The following AUTS2 variants were observed in gnomAD, a reference collection of about 807,000 sequenced individuals.
AUTS2 encodes activator of transcription and developmental regulator AUTS2.
A neutral mutation model predicts 112.4 loss-of-function variants in AUTS2; 17 were observed. That is an observed-to-expected ratio of 0.15 (90% CI 0.10 to 0.23). AUTS2 has a LOEUF of 0.23. AUTS2 is among the 10% of genes least tolerant of loss of function. AUTS2 has a pLI of 1.00. For synonymous variants in AUTS2, 751 were observed against 702.7 expected (o/e 1.07, Z -1.09); for missense variants, 1,510 against 1,701.6 (o/e 0.89, Z 1.98).
At chr7:70,721,846 T>TA (rs1485456986) in intron 6 of AUTS2, among the ~76,000 whole-genome samples, 1 of 152,238 alleles carries the variant, frequency 6.6e-6, no homozygotes, top group Admixed American at 6.5e-5. Context: ...CTCTTTTTTT[T>TA]AGATAAGTCA....
chr7:70,073,546 T>G (rs1357777295), intron 2 of AUTS2, among the ~76,000 whole-genome samples: 2 of 151,770 alleles, frequency 1.3e-5, no homozygotes, highest in Non-Finnish European at 2.9e-5. Flanking sequence ...GGGTCAGCCT[T>G]GAGTAGTGGA....
At chr7:70,194,549 G>C (rs1439345117) in intron 4 of AUTS2, 1 of 152,228 alleles carries the variant, frequency 6.6e-6, no homozygotes, top group East Asian at 1.9e-4. Flanking sequence ...GCCAGAGTTA[G>C]AGTGGTCACA....
chr7:70,614,762 A>G (rs1804266977), intron 5 of AUTS2, among the ~76,000 whole-genome samples: 2 of 152,158 alleles, frequency 1.3e-5, no homozygotes, highest in Admixed American at 1.3e-4. Flanking sequence ...GAACAAAGTC[A>G]CTGGTAATCT....
At chr7:70,528,894 G>A (rs1799966455) in intron 5 of AUTS2, among the ~76,000 whole-genome samples, 1 of 151,982 alleles carries the variant, frequency 6.6e-6, no homozygotes, top group Non-Finnish European at 1.5e-5. Context: ...AGTAAGGGTG[G>A]GCAAAGCAAA....
intron 1 of AUTS2, among the ~76,000 whole-genome samples, chr7:69,633,536 A>G (rs756812760): frequency 9.9e-5 from 15 of 152,162 alleles, no homozygotes; most frequent in Admixed American, 2.0e-4. Context: ...ATTTTTCACA[A>G]TGGCTGTATC....
intron 2 of AUTS2, among the ~76,000 whole-genome samples, chr7:70,004,917 C>T (rs540268143): frequency 1.2e-4 from 18 of 151,842 alleles, no homozygotes; most frequent in South Asian, 2.1e-4. Flanking sequence ...TTCTGCCTCC[C>T]GGGTTTGAGT....
At chr7:70,135,592 A>T (rs188835631) in intron 4 of AUTS2, among the ~76,000 whole-genome samples, 11 of 152,320 alleles carry the variant, frequency 7.2e-5, no homozygotes, top group Admixed American at 1.3e-4. Flanking sequence ...GGAAACCAGC[A>T]TCATTTCATT....
At chr7:69,893,815 A>G (rs556404577) in intron 1 of AUTS2, among the ~76,000 whole-genome samples, 7 of 152,166 alleles carry the variant, frequency 4.6e-5, no homozygotes, top group Non-Finnish European at 8.8e-5. Flanking sequence ...TGCAGCTTAC[A>G]TAGTGTTTCA....
chr7:70,655,041 G>T (rs1398097503), intron 5 of AUTS2, among the ~76,000 whole-genome samples: 2 of 152,230 alleles, frequency 1.3e-5, no homozygotes, highest in Non-Finnish European at 2.9e-5. Context: ...CACCCACAAA[G>T]TATCTTTCGG....
At position 69,975,897 on chromosome 7, in the gene AUTS2, A is replaced by G. The variant is rs190450471; in HGVS notation, c.522+76399A>G. ...GAGACAGGGTTTCACCATGTTGGCCAGGCTGGTCTTGAACTCCTGACCTCA... is the reference window on the plus strand; with the variant it reads ...GAGACAGGGTTTCACCATGTTGGCCGGGCTGGTCTTGAACTCCTGACCTCA... On this transcript the variant is annotated intron_variant, in intron 2 of 18. Coordinates refer to ENST00000342771, the MANE Select transcript of AUTS2 (RefSeq NM_015570.4). Among the ~76,000 whole-genome samples, 928 of 152,106 alleles carry G rather than the reference A, an allele frequency of 6.1e-3. 9 individuals carry two copies. The highest frequency in any genetic ancestry group is 0.021 in the African/African-American group (880 of 41,480).
intron 2 of AUTS2, among the ~76,000 whole-genome samples, chr7:70,072,799 G>A (rs532233544): frequency 1.3e-5 from 2 of 152,122 alleles, no homozygotes; most frequent in East Asian, 3.9e-4. Flanking sequence ...AAAATATCGT[G>A]TTTGTTATCT....
intron 5 of AUTS2, among the ~76,000 whole-genome samples, chr7:70,550,449 T>G (rs1323638130): frequency 1.3e-5 from 2 of 152,206 alleles, no homozygotes; most frequent in African/African-American, 4.8e-5. Context: ...AGCTGAACAG[T>G]GCTTTTTTTG....
At chr7:69,669,470 G>A (rs190845054) in intron 1 of AUTS2, among the ~76,000 whole-genome samples, 64 of 152,150 alleles carry the variant, frequency 4.2e-4, no homozygotes, top group African/African-American at 1.3e-3. Context: ...TAGCCATATA[G>A]AGTACCATTG....
intron 5 of AUTS2, among the ~76,000 whole-genome samples, chr7:70,570,864 C>G (rs1801909073): frequency 1.3e-5 from 2 of 151,790 alleles, no homozygotes; most frequent in Non-Finnish European, 2.9e-5. Flanking sequence ...CAGGGGCACC[C>G]AAGGCCCTTG....
intron 1 of AUTS2, among the ~76,000 whole-genome samples, chr7:69,841,301 G>A (rs1164126860): frequency 2.0e-5 from 3 of 152,156 alleles, no homozygotes; most frequent in Non-Finnish European, 4.4e-5. Flanking sequence ...TCTAGAAGGA[G>A]GAGAGGGGTT....
At chr7:70,360,951 A>C (rs900745273) in intron 4 of AUTS2, among the ~76,000 whole-genome samples, 7 of 152,226 alleles carry the variant, frequency 4.6e-5, no homozygotes, top group African/African-American at 1.7e-4. Flanking sequence ...CATTAGCCAG[A>C]GTCCTCCTGG....
At chr7:69,985,751 G>C (rs542329421) in intron 2 of AUTS2, among the ~76,000 whole-genome samples, 2 of 150,902 alleles carry the variant, frequency 1.3e-5, no homozygotes, top group East Asian at 3.9e-4. Flanking sequence ...ATCTAAGTTT[G>C]CCCCCTTTAC....
Position 69,812,655 on chromosome 7 carries a change from A to T in AUTS2, c.310-86631A>T, listed in dbSNP as rs1790592513. On this transcript the variant is annotated intron_variant, in intron 1 of 18. Transcript: ENST00000342771. Reference sequence around the variant, plus strand: ...AACTGTATTTTGTTTATTGCTGGTCATTTAAGTCTCTATCTGGTTTTTTTT... The same window carrying T: ...AACTGTATTTTGTTTATTGCTGGTCTTTTAAGTCTCTATCTGGTTTTTTTT... Among the ~76,000 whole-genome samples the T allele has an allele frequency of 2.6e-5, 4 of 152,224 alleles. No individual in the cohort carries two copies. In the South Asian group the frequency reaches 8.3e-4, roughly 32 times the overall value.
chr7:70,431,673 C>T (rs551825669), intron 4 of AUTS2, among the ~76,000 whole-genome samples: 1 of 152,248 alleles, frequency 6.6e-6, no homozygotes, highest in South Asian at 2.1e-4. Context: ...GCGTGAGCCC[C>T]GTCACCCGGC....
Sources: gnomAD v4.1 joint callset for allele counts (sites outside exome capture counted in the v4.1 genomes callset) on GRCh38, gnomAD v4.1.1 for gene constraint, MANE v1.5 for transcripts, NCBI Gene and HGNC (gene_info 2026-07-23, HGNC 2026-07-21) for gene names.